Variants in FERMT1 observed in about 807,000 individuals in gnomAD.
FERMT1 encodes FERM domain containing kindlin 1.
Under a neutral mutation model 85.3 loss-of-function variants are expected in FERMT1, and 60 were observed. That is an observed-to-expected ratio of 0.70 (90% CI 0.57 to 0.87). The LOEUF (loss-of-function observed/expected upper bound fraction) is 0.87. FERMT1 is among the 40% of genes least tolerant of loss of function. The pLI is 0.00. For missense variants in FERMT1, 701 were observed against 818.9 expected (o/e 0.86, Z 1.76); for synonymous variants, 275 against 301.1 (o/e 0.91, Z 0.90).
intron 2 of FERMT1, among the ~76,000 whole-genome samples, chr20:6,117,322 G>T (rs1047657164): frequency 2.0e-5 from 3 of 152,024 alleles, no homozygotes; most frequent in Non-Finnish European, 4.4e-5. Context: ...AGGCTGGAGT[G>T]CAGTGGCATG....
At chr20:6,099,830 T>C (rs1321501718) in intron 6 of FERMT1, among the ~76,000 whole-genome samples, 2 of 120,464 alleles carry the variant, frequency 1.7e-5, no homozygotes, top group Admixed American at 8.4e-5. Context: ...TCACTGTTTC[T>C]AAAAAAAAAA....
At chr20:6,103,940 G>A (rs916475507) in intron 6 of FERMT1, among the ~76,000 whole-genome samples, 15 of 151,478 alleles carry the variant, frequency 9.9e-5, no homozygotes, top group African/African-American at 3.6e-4. Context: ...GCATGATCTC[G>A]GCTCACTGCA....
At chr20:6,079,907 C>T (rs921658763) in intron 13 of FERMT1, among the ~76,000 whole-genome samples, 3 of 152,034 alleles carry the variant, frequency 2.0e-5, no homozygotes, top group Non-Finnish European at 4.4e-5. Context: ...GTAAACTAAA[C>T]GGATGGAAAA....
chr20:6,079,892 T>C (rs1351782590), intron 13 of FERMT1, among the ~76,000 whole-genome samples: 1 of 152,158 alleles, frequency 6.6e-6, no homozygotes, highest in Non-Finnish European at 1.5e-5. Context: ...ATGGGAGATA[T>C]AGTAGTAAAC....
rs1380775367 is a variant in FERMT1, at chr20:6,095,054, A to G, written c.1090-66T>C. The G allele has an allele frequency of 3.5e-6, 3 of 853,764 alleles. No individual in the cohort carries two copies. In the African/African-American group the frequency reaches 5.0e-5, roughly 14 times the overall value. 52.9% of individuals were successfully genotyped at this position (853,764 alleles called of 1,614,324 possible). A position where few individuals can be genotyped will look rare whatever the true frequency, so the allele number is the denominator to read the frequency against. ...TAAGTGATGCTGATACTCAACCTGC[A>G]CTGTCTAATATGGCAGTCCCTTGCT... On this transcript the variant is annotated intron_variant, in intron 8 of 14. Coordinates refer to ENST00000217289, the MANE Select transcript of FERMT1 (RefSeq NM_017671.5).
chr20:6,111,724 GA>G (rs1673051938), intron 4 of FERMT1, among the ~76,000 whole-genome samples: 1 of 152,082 alleles, frequency 6.6e-6, no homozygotes, highest in South Asian at 2.1e-4. Flanking sequence ...GATATAAAAA[GA>G]AAAGGATGCT....
intron 2 of FERMT1, 47 bp downstream of exon 2, chr20:6,119,357 A>G: frequency 6.3e-7 from 1 of 1,597,634 alleles, no homozygotes. Context: ...GTGATGCACC[A>G]GACAGGGTTT....
chr20:6,119,307 C>A (rs1313318433), intron 2 of FERMT1, 97 bp downstream of exon 2: 2 of 1,227,372 alleles, frequency 1.6e-6, no homozygotes, highest in South Asian at 1.2e-5. Flanking sequence ...CAGGGCATTA[C>A]AAGATAAATG....
At chr20:6,103,643 C>T (rs897330582) in intron 6 of FERMT1, among the ~76,000 whole-genome samples, 18 of 151,982 alleles carry the variant, frequency 1.2e-4, no homozygotes, top group African/African-American at 4.3e-4. Context: ...ATATTTACAT[C>T]CTTTGCTCAT....
rs775154407 is a variant in FERMT1 at position 6,110,339 on chromosome 20, G to A, written c.705C>T (p.Tyr235=). 2.5e-6 allele frequency: 4 copies of A among 1,613,452 alleles called. No homozygotes were observed. The highest frequency in any genetic ancestry group is 4.5e-5 in the East Asian group (2 of 44,886). The change falls in exon 5 of 15, where the codon TAC becomes TAT. Residue 235 remains tyrosine (Y), a synonymous_variant. Transcript: ENST00000217289. Reference sequence around the variant, plus strand: ...CTTTATCAACCAGAGACCGAGGCTGGTACATATCCGCAAGTGCTTCTGGGG... The same window carrying A: ...CTTTATCAACCAGAGACCGAGGCTGATACATATCCGCAAGTGCTTCTGGGG... ...PQSPEALADM[Y]QPRSLVDKAK...
chr20:6,117,906 C>T (rs1339774693), intron 2 of FERMT1, among the ~76,000 whole-genome samples: 1 of 152,192 alleles, frequency 6.6e-6, no homozygotes, highest in African/African-American at 2.4e-5. Flanking sequence ...AGGTGATCCA[C>T]CCACCTCAGC....
In FERMT1 at chr20:6,076,623, C is replaced by G. The variant is rs536245011; in HGVS notation, c.*550G>C. 5.2e-6 allele frequency: 2 copies of G among 382,772 alleles called. No homozygotes were observed. Among genetic ancestry groups the G allele is most frequent in the South Asian group, 3.9e-5 (2 of 50,850 alleles). 23.7% of individuals were successfully genotyped at this position (382,772 alleles called of 1,614,324 possible). On this transcript the variant is annotated 3_prime_UTR_variant, in exon 15 of 15. Transcript: ENST00000217289. ...TGTCAACTGCTACCTGGTAGCCCCACCCCTCCCCTTTCTACCCCTAGACCT... is the reference window on the plus strand; with the variant it reads ...TGTCAACTGCTACCTGGTAGCCCCAGCCCTCCCCTTTCTACCCCTAGACCT...
At chr20:6,105,010 G>T (rs1293690598) in intron 6 of FERMT1, among the ~76,000 whole-genome samples, 1 of 152,178 alleles carries the variant, frequency 6.6e-6, no homozygotes, top group Non-Finnish European at 1.5e-5. Flanking sequence ...AGGACCCTAT[G>T]AGTCCTTGGG....
At chr20:6,079,412 G>A in intron 14 of FERMT1, 24 bp downstream of exon 14, 3 of 1,613,494 alleles carry the variant, frequency 1.9e-6, no homozygotes, top group South Asian at 1.1e-5. Flanking sequence ...GCTCAACACT[G>A]AAGAGCAAAA....
At chr20:6,099,511 G>T (rs913739711) in intron 6 of FERMT1, among the ~76,000 whole-genome samples, 2 of 151,968 alleles carry the variant, frequency 1.3e-5, no homozygotes, top group Non-Finnish European at 2.9e-5. Flanking sequence ...ACAAATACTG[G>T]ATGACTTCAC....
chr20:6,117,098 T>G (rs1315583048), intron 2 of FERMT1, among the ~76,000 whole-genome samples: 1 of 152,228 alleles, frequency 6.6e-6, no homozygotes, highest in Admixed American at 6.5e-5. Context: ...CCTTTCAATG[T>G]TAGCACCAAT....
intron 6 of FERMT1, among the ~76,000 whole-genome samples, 179 bp from the exon 7 acceptor site, chr20:6,097,810 T>TA (rs1367818598): frequency 6.6e-6 from 1 of 152,092 alleles, no homozygotes. Flanking sequence ...AAAGTTTTTT[T>TA]TTTTTTAATT....
intron 13 of FERMT1, among the ~76,000 whole-genome samples, chr20:6,080,177 G>A (rs1251665268): frequency 6.6e-6 from 1 of 152,142 alleles, no homozygotes; most frequent in Non-Finnish European, 1.5e-5. Flanking sequence ...ATGTGCTTAA[G>A]GACCTGCCAG....
At chr20:6,096,817 T>C in intron 8 of FERMT1, 85 bp downstream of exon 8, 1 of 666,362 alleles carries the variant, frequency 1.5e-6, no homozygotes, top group Non-Finnish European at 2.5e-6. Context: ...TCAGATGAAA[T>C]ATTCTCTTCT....
Sources: allele counts gnomAD v4.1 joint callset (sites outside exome capture counted in the v4.1 genomes callset), GRCh38; gene constraint gnomAD v4.1.1; transcripts MANE v1.5; gene names NCBI Gene and HGNC (gene_info 2026-07-23, HGNC 2026-07-21).